Variants in LAMA2 observed in about 807,000 individuals in gnomAD.
LAMA2 encodes the protein laminin subunit alpha-2.
A neutral mutation model predicts 364.8 loss-of-function variants in LAMA2; 269 were observed. That is an observed-to-expected ratio of 0.74 (90% CI 0.67 to 0.82). The LOEUF (loss-of-function observed/expected upper bound fraction) is 0.82, where lower values mean the gene tolerates loss of function less well. Ranked by LOEUF, LAMA2 falls within the 40% of genes least tolerant of loss-of-function variation. LAMA2 has a pLI of 0.00. For missense variants in LAMA2, 3,807 were observed against 3,873.2 expected (o/e 0.98, Z 0.45); for synonymous variants, 1,379 against 1,370.6 (o/e 1.01, Z -0.14).
intron 52 of LAMA2, 57 bp from the exon 53 acceptor site, chr6:129,475,333 A>T: frequency 2.0e-6 from 2 of 979,608 alleles, no homozygotes; most frequent in Non-Finnish European, 3.1e-6. Context: ...ATGAAAATGT[A>T]ATTATAAGTA....
At chr6:129,263,602 A>T (rs1039798905) in intron 15 of LAMA2, among the ~76,000 whole-genome samples, 1 of 152,082 alleles carries the variant, frequency 6.6e-6, no homozygotes, top group African/African-American at 2.4e-5. Context: ...ACAAGAAGTG[A>T]TTGGAAAAGC....
chr6:129,244,257 T>G (rs112903529), intron 12 of LAMA2, among the ~76,000 whole-genome samples: 4 of 152,234 alleles, frequency 2.6e-5, no homozygotes, highest in African/African-American at 9.6e-5. Context: ...TGTTCTTAAC[T>G]CAAATTTATA....
At chr6:129,383,070 T>C in intron 34 of LAMA2, 52 bp from the exon 35 acceptor site, 1 of 1,445,098 alleles carries the variant, frequency 6.9e-7, no homozygotes, top group South Asian at 1.2e-5. Context: ...CTTATCTAGC[T>C]GTAGCTTCAT....
intron 17 of LAMA2, among the ~76,000 whole-genome samples, chr6:129,275,534 G>T (rs988244109): frequency 6.6e-6 from 1 of 151,888 alleles, no homozygotes; most frequent in Non-Finnish European, 1.5e-5. Flanking sequence ...AATGTTCACT[G>T]TAAAAATCAG....
At chr6:129,493,308 G>A (rs941726716) in intron 58 of LAMA2, among the ~76,000 whole-genome samples, 1 of 152,062 alleles carries the variant, frequency 6.6e-6, no homozygotes, top group Non-Finnish European at 1.5e-5. Context: ...TAGAGCATGG[G>A]CTCAAGTCAG....
intron 3 of LAMA2, among the ~76,000 whole-genome samples, chr6:129,064,855 C>T (rs1340464481): frequency 6.6e-6 from 1 of 152,158 alleles, no homozygotes; most frequent in Non-Finnish European, 1.5e-5. Flanking sequence ...TAATACCAAT[C>T]CTTCTCAAAA....
In LAMA2 at chr6:128,883,371, A is replaced by G. The variant is rs1775924667; in HGVS notation, c.112+14A>G. 1 of 1,579,834 alleles carries G rather than the reference A, an allele frequency of 6.3e-7. No homozygotes were observed. Among genetic ancestry groups the G allele is most frequent in the Non-Finnish European group, 8.6e-7 (1 of 1,162,972 alleles). ...ATCAGCAAAGAGGTACAGTCGAGGC[A>G]TGGGCTTGGGTTGCATCCTTTGCCG... On this transcript the variant is annotated intron_variant, in intron 1 of 64. Coordinates refer to ENST00000421865, the MANE Select transcript of LAMA2 (RefSeq NM_000426.4).
At chr6:129,021,843 A>G (rs1785470377) in intron 1 of LAMA2, among the ~76,000 whole-genome samples, 1 of 152,218 alleles carries the variant, frequency 6.6e-6, no homozygotes, top group Admixed American at 6.5e-5. Context: ...AGGTTTTACA[A>G]AGAGATGAAG....
At chr6:128,947,674 A>T (rs945527225) in intron 1 of LAMA2, among the ~76,000 whole-genome samples, 1 of 152,198 alleles carries the variant, frequency 6.6e-6, no homozygotes, top group Admixed American at 6.5e-5. Context: ...ATTGAAAAAG[A>T]AGAGCATGGA....
At chr6:129,255,247 A>G (rs1786562073) in intron 14 of LAMA2, among the ~76,000 whole-genome samples, 1 of 151,786 alleles carries the variant, frequency 6.6e-6, no homozygotes, top group African/African-American at 2.4e-5. Flanking sequence ...CTCTACTAAA[A>G]ATACCAAAAT....
intron 53 of LAMA2, among the ~76,000 whole-genome samples, chr6:129,478,382 T>C (rs1405109155): frequency 6.6e-6 from 1 of 152,196 alleles, no homozygotes; most frequent in Non-Finnish European, 1.5e-5. Context: ...ATAAAACTTA[T>C]TTCATTACAC....
At chr6:129,499,067 C>T (rs1785420925) in intron 58 of LAMA2, among the ~76,000 whole-genome samples, 1 of 152,122 alleles carries the variant, frequency 6.6e-6, no homozygotes, top group Non-Finnish European at 1.5e-5. Context: ...GGTGCACCAC[C>T]ACGCGAGACT....
At chr6:129,162,994 A>T (rs1779529700) in intron 8 of LAMA2, among the ~76,000 whole-genome samples, 1 of 152,208 alleles carries the variant, frequency 6.6e-6, no homozygotes, top group Non-Finnish European at 1.5e-5. Flanking sequence ...AGTTAAATAA[A>T]CTATGATGTG....
chr6:129,254,525 C>G (rs989712263), intron 14 of LAMA2, among the ~76,000 whole-genome samples: 2 of 152,148 alleles, frequency 1.3e-5, no homozygotes, highest in Non-Finnish European at 2.9e-5. Context: ...TCTATCTTAT[C>G]TACTTCATCC....
At chr6:128,983,838 G>T (rs953764261) in intron 1 of LAMA2, among the ~76,000 whole-genome samples, 2 of 152,188 alleles carry the variant, frequency 1.3e-5, no homozygotes, top group Non-Finnish European at 2.9e-5. Flanking sequence ...CCTGAAATGA[G>T]TGGAGGGAGT....
chr6:128,989,671 A>G (rs529378925), intron 1 of LAMA2, among the ~76,000 whole-genome samples: 307 of 152,350 alleles, frequency 2.0e-3, no homozygotes, highest in African/African-American at 7.0e-3. Flanking sequence ...TTATACTTAT[A>G]AAAGCCAGTT....
chr6:129,502,834 A>T, intron 59 of LAMA2, 63 bp downstream of exon 59: 1 of 1,044,244 alleles, frequency 9.6e-7, no homozygotes, highest in South Asian at 1.3e-5. Context: ...ATTTGTGTTT[A>T]ATCAAGTTGA....
At chr6:128,933,258 G>GTGTGTGTGTGTGTGTC (rs1554328793) in intron 1 of LAMA2, among the ~76,000 whole-genome samples, 2 of 148,810 alleles carry the variant, frequency 1.3e-5, no homozygotes, top group African/African-American at 5.2e-5. Context: ...GTGTGTGTGT[G>GTGTGTGTGTGTGTGTC]TGTGTGTCTG....
chr6:128,943,782 C>T (rs974119600), intron 1 of LAMA2, among the ~76,000 whole-genome samples: 9 of 152,136 alleles, frequency 5.9e-5, no homozygotes, highest in Admixed American at 2.0e-4. Flanking sequence ...AGAAAAATGT[C>T]TGCTTTGTGA....
Sources: gnomAD v4.1 joint callset for allele counts (sites outside exome capture counted in the v4.1 genomes callset) on GRCh38, gnomAD v4.1.1 for gene constraint, MANE v1.5 for transcripts, NCBI Gene and HGNC (gene_info 2026-07-23, HGNC 2026-07-21) for gene names.